CACNG4: variants seen among roughly 807,000 people sequenced by gnomAD.
CACNG4 encodes voltage-dependent calcium channel gamma-4 subunit.
Under a neutral mutation model 22.9 loss-of-function variants are expected in CACNG4, and 8 were observed. The observed-to-expected ratio is 0.35, with a 90% confidence interval of 0.21 to 0.63. The LOEUF is 0.63. Among genes scored for constraint, CACNG4 ranks in the 30% least tolerant of loss-of-function variants. CACNG4 has a pLI of 0.72. For missense variants in CACNG4, 357 were observed against 455.4 expected, an observed-to-expected ratio of 0.78 and a Z score of 1.97; for synonymous variants, 188 against 191.9, an observed-to-expected ratio of 0.98 and a Z score of 0.17.
intron 1 of CACNG4, among the ~76,000 whole-genome samples, chr17:67,005,248 T>G (rs142620429): frequency 6.6e-6 from 1 of 152,220 alleles, no homozygotes; most frequent in African/African-American, 2.4e-5. Flanking sequence ...TTGGTCCAGC[T>G]TGGGCCAGAG....
intron 3 of CACNG4, among the ~76,000 whole-genome samples, chr17:67,029,077 T>C (rs1437999009): frequency 6.6e-6 from 1 of 151,738 alleles, no homozygotes; most frequent in African/African-American, 2.4e-5. Flanking sequence ...TCACACCTAT[T>C]ATCCCAGCAC....
At chr17:66,981,339 C>T (rs1426375265) in intron 1 of CACNG4, among the ~76,000 whole-genome samples, 1 of 152,226 alleles carries the variant, frequency 6.6e-6, no homozygotes, top group Admixed American at 6.5e-5. Context: ...CTGTTCCTTT[C>T]TTCTTGCTCA....
intron 1 of CACNG4, among the ~76,000 whole-genome samples, chr17:66,987,531 G>A (rs2035312045): frequency 6.6e-6 from 1 of 152,202 alleles, no homozygotes; most frequent in Non-Finnish European, 1.5e-5. Flanking sequence ...CTCGGGTGAT[G>A]GAAGAGCTGA....
rs183024110 is a variant in CACNG4 at position 67,005,010 on chromosome 17, C to T, written c.221-13179C>T. Among the ~76,000 whole-genome samples, 9 of 152,330 alleles carry T rather than the reference C, an allele frequency of 5.9e-5. No homozygotes were observed. The East Asian group carries it at 1.5e-3, about 26-fold the overall frequency. On this transcript the variant is annotated intron_variant, in intron 1 of 3. Transcript: ENST00000262138. ...AAGTGCTGGGATTACAGTTGTGAGG[C>T]ACCCTGCCCCGTCCCAAAGAGGAAT... is the stretch of plus-strand genomic sequence containing the variant.
At chr17:66,965,189 TAC>T (rs1295418043) in intron 1 of CACNG4, 58 bp downstream of exon 1, 2 of 952,420 alleles carry the variant, frequency 2.1e-6, no homozygotes, top group Middle Eastern at 3.4e-4. Context: ...CACACACATA[TAC>T]ACACGCGCGC....
rs186069782 is a variant in CACNG4 at position 67,008,177 on chromosome 17, G to A, written c.221-10012G>A. 1.5e-4 allele frequency among the ~76,000 whole-genome samples: 23 copies of A among 152,310 alleles called. No homozygotes were observed. In the East Asian group the frequency reaches 3.9e-3, roughly 26 times the overall value. ...GGAACTGAAGGTCACAGTGGCTTAC[G>A]AGGGTCTCATGGAGAGCCACTAGCA... On this transcript the variant is annotated intron_variant, in intron 1 of 3. Coordinates refer to ENST00000262138, the MANE Select transcript of CACNG4 (RefSeq NM_014405.4).
At position 67,024,928 on chromosome 17, in the gene CACNG4, A is replaced by G. The variant is rs896547023; in HGVS notation, c.373A>G (p.Ile125Val). 20 of 1,606,768 alleles carry G rather than the reference A, an allele frequency of 1.2e-5. No individual in the cohort carries two copies. Among genetic ancestry groups the G allele is most frequent in the Non-Finnish European group, 1.7e-5 (20 of 1,177,858 alleles). Reference protein sequence around the residue: ...TILLLLGGLCIGAGRIYSRKN... With the variant: ...TILLLLGGLCVGAGRIYSRKN... Reference sequence around the variant, plus strand: ...CCTGCTCCTGCTGGGTGGCCTGTGCATCGGTGCTGGCAGGATCTACAGCCG... The same window carrying G: ...CCTGCTCCTGCTGGGTGGCCTGTGCGTCGGTGCTGGCAGGATCTACAGCCG... The change falls in exon 3 of 4, where the codon ATC becomes GTC. Residue 125 changes from isoleucine (I) to valine (V), a missense_variant. Around this residue, in one of 3 missense-constraint regions of CACNG4, gnomAD observed 240 missense variants for 277.6 expected, o/e 0.86. Transcript: ENST00000262138.
At chr17:66,969,317 G>C (rs973517137) in intron 1 of CACNG4, among the ~76,000 whole-genome samples, 1 of 152,226 alleles carries the variant, frequency 6.6e-6, no homozygotes, top group South Asian at 2.1e-4. Context: ...CACCCAAAGA[G>C]AAGGGTCCTG....
intron 1 of CACNG4, among the ~76,000 whole-genome samples, chr17:66,997,533 C>A (rs926155663): frequency 2.0e-5 from 3 of 152,104 alleles, no homozygotes; most frequent in African/African-American, 7.2e-5. Context: ...TGGTTAAAAC[C>A]AGGCAGGGTG....
At chr17:66,978,466 C>T (rs888556214) in intron 1 of CACNG4, among the ~76,000 whole-genome samples, 1 of 152,110 alleles carries the variant, frequency 6.6e-6, no homozygotes, top group Non-Finnish European at 1.5e-5. Context: ...TCCTCCTGCC[C>T]ACTTCACCCC....
Position 67,024,953 on chromosome 17 carries a change from G to A in CACNG4, c.398G>A (p.Arg133His), listed in dbSNP as rs576033468. The A allele has an allele frequency of 7.5e-6, 12 of 1,606,384 alleles. No homozygotes were observed. The highest frequency in any genetic ancestry group is 1.1e-5 in the South Asian group (1 of 89,754). The change falls in exon 3 of 4, where the codon CGC becomes CAC. Residue 133 changes from arginine (R) to histidine (H), a missense_variant. Around this residue, in one of 3 missense-constraint regions of CACNG4, gnomAD observed 240 missense variants for 277.6 expected, o/e 0.86. Coordinates refer to ENST00000262138, the MANE Select transcript of CACNG4 (RefSeq NM_014405.4). The stretch of plus-strand genomic sequence containing the variant: ...ATCGGTGCTGGCAGGATCTACAGCC[G>A]CAAGAACAACATCGTCCTCAGTGCC... ...LCIGAGRIYS[R>H]KNNIVLSAGI...
intron 1 of CACNG4, among the ~76,000 whole-genome samples, chr17:66,966,384 C>T (rs1027348247): frequency 6.6e-6 from 1 of 152,132 alleles, no homozygotes; most frequent in East Asian, 1.9e-4. Context: ...TAACCTTTCC[C>T]CGCGTGTTAA....
At chr17:67,012,298 G>A (rs963353010) in intron 1 of CACNG4, among the ~76,000 whole-genome samples, 8 of 152,212 alleles carry the variant, frequency 5.3e-5, no homozygotes, top group African/African-American at 1.2e-4. Flanking sequence ...AGGTCTTTCA[G>A]CATCTCTAAG....
At chr17:66,988,904 CAAAA>C (rs575662080) in intron 1 of CACNG4, among the ~76,000 whole-genome samples, 3,339 of 151,750 alleles carry the variant, frequency 0.022, 46 homozygotes, top group Middle Eastern at 0.065. Flanking sequence ...ACTAAAAATA[CAAAA>C]AAATTAGCTA....
In CACNG4 at chr17:66,967,971, T is replaced by C. The variant is rs146902692; in HGVS notation, c.220+2840T>C. Among the ~76,000 whole-genome samples, 235 of 152,236 alleles carry C rather than the reference T, an allele frequency of 1.5e-3. 1 individual carries two copies. The highest frequency in any genetic ancestry group is 0.015 in the South Asian group (72 of 4,824). ...CCTCTTTCTACCCCTCAAATCAAAG[T>C]CTCTCCCTTCTGCCTGCCCCTCTGC... On this transcript the variant is annotated intron_variant, in intron 1 of 3. Transcript: ENST00000262138.
intron 2 of CACNG4, among the ~76,000 whole-genome samples, chr17:67,021,075 C>T (rs2035528631): frequency 6.6e-6 from 1 of 152,174 alleles, no homozygotes; most frequent in South Asian, 2.1e-4. Flanking sequence ...ATGGCACATG[C>T]CTCCAGTCCC....
intron 1 of CACNG4, among the ~76,000 whole-genome samples, chr17:66,996,177 C>A (rs1598111792): frequency 6.6e-6 from 1 of 152,130 alleles, no homozygotes. Context: ...TGCCTCTCTG[C>A]TCCGTGGTTG....
intron 1 of CACNG4, among the ~76,000 whole-genome samples, chr17:66,972,041 T>C (rs1394662309): frequency 6.6e-6 from 1 of 151,620 alleles, no homozygotes; most frequent in East Asian, 1.9e-4. Flanking sequence ...ATGGGAGAAG[T>C]GGAGGGATGG....
At position 67,027,168 on chromosome 17, in the gene CACNG4, G is replaced by A. The variant is rs1030101304; in HGVS notation, c.445+2168G>A. On this transcript the variant is annotated intron_variant, in intron 3 of 3. Transcript: ENST00000262138. The surrounding 1 kb of genome is among the most constrained non-coding windows in gnomAD (Gnocchi z 4.3). Reference sequence around the variant, plus strand: ...TCAGGTGGCTTCCTTGAAGTCACACGCACAGTGGCAAAGACATGCTGTGCC... The same window carrying A: ...TCAGGTGGCTTCCTTGAAGTCACACACACAGTGGCAAAGACATGCTGTGCC... Among the ~76,000 whole-genome samples the A allele has an allele frequency of 1.3e-5, 2 of 152,184 alleles. No homozygotes were observed. The highest frequency in any genetic ancestry group is 2.1e-4 in the South Asian group (1 of 4,828).
Sources: gnomAD v4.1 joint callset for allele counts (sites outside exome capture counted in the v4.1 genomes callset) on GRCh38, gnomAD v4.1.1 for gene constraint, gnomAD v4.1.1 regional missense constraint, Gnocchi (gnomAD v3.1) non-coding constraint, MANE v1.5 for transcripts, NCBI Gene and HGNC (gene_info 2026-07-23, HGNC 2026-07-21) for gene names.